Variants in NTRK2 observed in about 807,000 individuals in gnomAD.
The protein encoded by NTRK2 is BDNF/NT-3 growth factors receptor.
NTRK2 carries 13 observed loss-of-function variants against 94.5 expected under a neutral mutation model. That is an observed-to-expected ratio of 0.14 (90% CI 0.09 to 0.22). The LOEUF (loss-of-function observed/expected upper bound fraction) is 0.22. NTRK2 is among the 10% of genes least tolerant of loss of function. The probability of loss-of-function intolerance (pLI) is 1.00; values close to 1 mark genes in which losing one functional copy is unlikely to be tolerated. For missense variants in NTRK2, 639 were observed against 1,071.2 expected (o/e 0.60, Z 5.63); for synonymous variants, 372 against 407.4 (o/e 0.91, Z 1.05).
intron 14 of NTRK2, among the ~76,000 whole-genome samples, chr9:84,898,922 G>C (rs1000664432): frequency 1.3e-5 from 2 of 152,032 alleles, no homozygotes; most frequent in Non-Finnish European, 2.9e-5. Context: ...GGCTGGTCTC[G>C]AACTCCTGAC....
At chr9:84,672,090 T>A (rs1342489873) in intron 2 of NTRK2, among the ~76,000 whole-genome samples, 1 of 152,166 alleles carries the variant, frequency 6.6e-6, no homozygotes, top group Non-Finnish European at 1.5e-5. Flanking sequence ...GGTTGTCGAG[T>A]GCGCATGCAT....
intron 6 of NTRK2, among the ~76,000 whole-genome samples, chr9:84,721,665 G>A (rs201986689): frequency 6.6e-6 from 1 of 152,028 alleles, no homozygotes; most frequent in Non-Finnish European, 1.5e-5. Context: ...CCAACAAGTA[G>A]CAATAAAGAA....
rs1286968126 is a variant in NTRK2 at position 85,025,022 on chromosome 9, T to TGC, written c.*3587_*3588dup. ...ATAATAGAGGTAATTATAAGTAGGA[T>TGC]GCGGTATGAATAATTTGCTTAAAAT... On this transcript the variant is annotated 3_prime_UTR_variant, in exon 19 of 19. Coordinates refer to ENST00000277120, the MANE Select transcript of NTRK2 (RefSeq NM_006180.6). 3.0e-5 allele frequency: 7 copies of TGC among 233,046 alleles called. No individual in the cohort carries two copies. The East Asian group carries it at 4.2e-4, about 14-fold the overall frequency. 14.4% of individuals were successfully genotyped at this position (233,046 alleles called of 1,614,324 possible).
intron 12 of NTRK2, among the ~76,000 whole-genome samples, chr9:84,782,641 T>C (rs1015046626): frequency 6.6e-6 from 1 of 152,226 alleles, no homozygotes; most frequent in Non-Finnish European, 1.5e-5. Flanking sequence ...ATATGGCTCA[T>C]GTCCATTAAG....
intron 15 of NTRK2, among the ~76,000 whole-genome samples, chr9:84,944,879 C>T (rs3780645): frequency 0.061 from 9,228 of 152,336 alleles, 367 homozygotes; most frequent in Admixed American, 0.12. Context: ...TCCCAACTTA[C>T]ACTACCTTGC....
At chr9:84,978,861 T>C (rs901779925) in intron 17 of NTRK2, among the ~76,000 whole-genome samples, 5 of 152,246 alleles carry the variant, frequency 3.3e-5, no homozygotes, top group Admixed American at 2.0e-4. Context: ...TTAAGCATTA[T>C]GCTAAATCTA....
rs777294894 is a variant in NTRK2 at position 84,744,994 on chromosome 9, A to G, written c.1217A>G (p.Asp406Gly). Residue 406 changes from aspartate (D) to glycine (G), a missense_variant, in exon 11 of 19, where the codon GAC becomes GGC. By Grantham distance (94) the Asp-to-Gly change is moderately conservative (BLOSUM62 -1). Transcript: ENST00000277120. ...TAAGATTATGGAACTGCAGCGAATG[A>G]CATCGGGGACACCACGAACAGAAGT... is the stretch of plus-strand genomic sequence containing the variant. Reference protein sequence around the residue: ...IYEDYGTAANDIGDTTNRSNE... With the variant: ...IYEDYGTAANGIGDTTNRSNE... 2 of 1,613,928 alleles carry G rather than the reference A, an allele frequency of 1.2e-6. No homozygotes were observed. Among genetic ancestry groups the G allele is most frequent in the Non-Finnish European group, 8.5e-7 (1 of 1,179,904 alleles).
At chr9:84,956,970 C>G (rs949431736) in intron 17 of NTRK2, among the ~76,000 whole-genome samples, 2 of 152,022 alleles carry the variant, frequency 1.3e-5, no homozygotes, top group Non-Finnish European at 2.9e-5. Context: ...GGGGCACACT[C>G]TTAACTTCAG....
intron 12 of NTRK2, among the ~76,000 whole-genome samples, chr9:84,771,790 G>GA (rs1277783855): frequency 2.6e-5 from 4 of 151,912 alleles, no homozygotes; most frequent in South Asian, 2.1e-4. Flanking sequence ...TAATCATCTA[G>GA]AAAAAAAATG....
chr9:84,853,402 C>T (rs1323548788), intron 12 of NTRK2, among the ~76,000 whole-genome samples: 2 of 152,182 alleles, frequency 1.3e-5, no homozygotes, highest in Non-Finnish European at 2.9e-5. Context: ...CACACTACTG[C>T]CTGGAGTGCT....
rs975178635 is a variant in NTRK2 at position 84,947,191 on chromosome 9, G to A, written c.1765-1271G>A. Among the ~76,000 whole-genome samples, 14 of 152,126 alleles carry A rather than the reference G, an allele frequency of 9.2e-5. No individual in the cohort carries two copies. In the East Asian group the frequency reaches 1.9e-3, roughly 21 times the overall value. On this transcript the variant is annotated intron_variant, in intron 15 of 18. Transcript: ENST00000277120. ...GGCTGATCTCGAACTCCTGACCTTG[G>A]GTGATCTGCCCGCCTCAGCCTCCCA...
intron 6 of NTRK2, among the ~76,000 whole-genome samples, chr9:84,719,427 TG>T (rs1485859003): frequency 6.6e-6 from 1 of 152,146 alleles, no homozygotes; most frequent in African/African-American, 2.4e-5. Flanking sequence ...AGCTTGAGTT[TG>T]AAAAAAAACC....
chr9:84,931,584 C>T (rs1038151425), intron 14 of NTRK2, among the ~76,000 whole-genome samples: 1 of 151,904 alleles, frequency 6.6e-6, no homozygotes, highest in African/African-American at 2.4e-5. Flanking sequence ...TCAAGGTCAA[C>T]GTGGAAAAAC....
At chr9:84,949,283 T>C (rs2078698484) in intron 16 of NTRK2, among the ~76,000 whole-genome samples, 1 of 152,022 alleles carries the variant, frequency 6.6e-6, no homozygotes, top group Non-Finnish European at 1.5e-5. Flanking sequence ...GACCCTGAGG[T>C]CATGAAAAGA....
rs539169509 is a variant in NTRK2, at chr9:84,854,668, C to T, written c.1397-6372C>T. On this transcript the variant is annotated intron_variant, in intron 12 of 18. Coordinates refer to ENST00000277120, the MANE Select transcript of NTRK2 (RefSeq NM_006180.6). The stretch of plus-strand genomic sequence containing the variant: ...AGTTATAAAAAAAGAGCCTGAGGGC[C>T]GGGCGCGGTGGCTCACGACTGTAAT... Among the ~76,000 whole-genome samples the T allele has an allele frequency of 4.6e-5, 7 of 152,056 alleles. 1 individual carries two copies. Among genetic ancestry groups the T allele is most frequent in the South Asian group, 2.1e-4 (1 of 4,794 alleles).
intron 2 of NTRK2, among the ~76,000 whole-genome samples, chr9:84,680,147 C>G (rs1455074616): frequency 1.3e-5 from 2 of 152,112 alleles, no homozygotes; most frequent in African/African-American, 2.4e-5. Flanking sequence ...TGTGGGTGGG[C>G]TGCCATCATG....
chr9:84,702,472 C>T (rs1431587109), intron 4 of NTRK2, 53 bp downstream of exon 4: 5 of 1,433,674 alleles, frequency 3.5e-6, no homozygotes, highest in Non-Finnish European at 3.9e-6. Context: ...TTCAATATTT[C>T]CCCCCTCTGT....
chr9:84,674,136 A>G (rs7044702), intron 2 of NTRK2, among the ~76,000 whole-genome samples: 15,247 of 152,076 alleles, frequency 0.1, 1,589 homozygotes, highest in African/African-American at 0.26. Flanking sequence ...AAAAATACAT[A>G]ACCTAAAATG....
At chr9:84,668,568 A>G (rs2058506811), upstream of NTRK2, 1 of 152,274 alleles carries the variant, frequency 6.6e-6, no homozygotes, top group Non-Finnish European at 1.5e-5. Context: ...ATTCTCAGAC[A>G]AGGCTTGCAA....
Sources: gnomAD v4.1 joint callset for allele counts (sites outside exome capture counted in the v4.1 genomes callset) on GRCh38, gnomAD v4.1.1 for gene constraint, MANE v1.5 for transcripts, NCBI Gene and HGNC (gene_info 2026-07-23, HGNC 2026-07-21) for gene names.